The following RNASEH2C variants were observed in gnomAD, a reference collection of about 807,000 sequenced individuals.
The protein encoded by RNASEH2C is RNase H1 small subunit.
Under a neutral mutation model 16.3 loss-of-function variants are expected in RNASEH2C, and 20 were observed. The observed-to-expected ratio is 1.23, with a 90% CI of 0.86 to 1.79. The LOEUF (loss-of-function observed/expected upper bound fraction) is 1.79, where lower values mean the gene tolerates loss of function less well. Ranked by LOEUF, RNASEH2C falls within the 40% of genes most tolerant of loss-of-function variation. RNASEH2C has a pLI of 0.00. For synonymous variants in RNASEH2C, 106 were observed against 98.9 expected (o/e 1.07, Z -0.43); for missense variants, 296 against 235.9 (o/e 1.25, Z -1.67).
chr11:65,719,154 G>A lies in RNASEH2C; in HGVS notation c.*629C>T, dbSNP rs747487385. 2 of 1,614,170 alleles carry A rather than the reference G, an allele frequency of 1.2e-6. No individual in the cohort carries two copies. The highest frequency in any genetic ancestry group is 1.3e-5 in the African/African-American group (1 of 75,064). On this transcript the variant is annotated 3_prime_UTR_variant, in exon 4 of 4. Coordinates refer to ENST00000308418, the MANE Select transcript of RNASEH2C (RefSeq NM_032193.4). ...CCAAGTGTCTGCACTTCACTCCCAA[G>A]GACTGGAGCAAGAGGGGGAAGTGGT...
At position 65,719,723 on chromosome 11, in the gene RNASEH2C, T is replaced by C. The variant is rs765012427; in HGVS notation, c.*60A>G. The C allele has an allele frequency of 1.9e-6, 3 of 1,586,886 alleles. No homozygotes were observed. The highest frequency in any genetic ancestry group is 2.6e-6 in the Non-Finnish European group (3 of 1,156,118). On this transcript the variant is annotated 3_prime_UTR_variant, in exon 4 of 4. Transcript: ENST00000308418. ...CCTTTATTGGGGTGATGGAATCGGT[T>C]CCAAAGAGCTGGTTTACTGCTGTGA...
At position 65,720,314 on chromosome 11, in the gene RNASEH2C, C is replaced by T. The variant is rs1207921002; in HGVS notation, c.276G>A (p.Ser92=). 1 of 1,614,024 alleles carries T rather than the reference C, an allele frequency of 6.2e-7. No homozygotes were observed. The highest frequency in any genetic ancestry group is 8.5e-7 in the Non-Finnish European group (1 of 1,180,056). ...YVMVTEEKKV[S]MGKPDPLRDS... is the part of the protein sequence containing the mutation. The stretch of plus-strand genomic sequence containing the variant: ...CCCGCAAGGGGTCTGGCTTCCCCAT[C>T]GACACCTTCTTCTCTTCTGTCACCA... Residue 92 remains serine (S), a synonymous_variant, in exon 2 of 4, where the codon TCG becomes TCA. Coordinates refer to ENST00000308418, the MANE Select transcript of RNASEH2C (RefSeq NM_032193.4).
In RNASEH2C at chr11:65,720,580, G is replaced by C. The variant is rs1411143404; in HGVS notation, c.172+7C>G. ...GCCGGGAGCCGTAGTCCGGCCGCAG[G>C]GCTCACCCTCGGGGCCCTGGCGGAT... is the stretch of plus-strand genomic sequence containing the variant. On this transcript the variant is annotated splice_region_variant and intron_variant, in intron 1 of 3. Transcript: ENST00000308418. The C allele has an allele frequency of 1.3e-6, 2 of 1,525,572 alleles. No individual in the cohort carries two copies. Among genetic ancestry groups the C allele is most frequent in the Non-Finnish European group, 1.8e-6 (2 of 1,139,644 alleles). The allele number at this position is 1,525,572 out of a possible 1,614,324, so 94.5% of individuals were successfully genotyped here.
Position 65,720,226 on chromosome 11 carries a change from C to T in RNASEH2C, c.348+16G>A. The T allele has an allele frequency of 1.2e-6, 2 of 1,614,260 alleles. No homozygotes were observed. The highest frequency in any genetic ancestry group is 1.6e-4 in the Middle Eastern group (1 of 6,062). The stretch of plus-strand genomic sequence containing the variant: ...CTCCCGCCCGCACCCCCTTTCAACC[C>T]TATCCCTTTGCTCACGAAGTCCCGC... On this transcript the variant is annotated intron_variant, in intron 2 of 3. Coordinates refer to ENST00000308418, the MANE Select transcript of RNASEH2C (RefSeq NM_032193.4).
At position 65,720,644 on chromosome 11, in the gene RNASEH2C, C is replaced by T. The variant is rs773527127; in HGVS notation, c.115G>A (p.Asp39Asn). The part of the protein sequence containing the change: ...LHLLPCEVAV[D>N]GPAPVGRFFT... The stretch of plus-strand genomic sequence containing the variant: ...AAGCGCCCCACCGGGGCGGGCCCGT[C>T]CACCGCAACCTCGCAGGGCAGCAGA... The change falls in exon 1 of 4, where the codon GAC becomes AAC. Residue 39 changes from aspartate to asparagine, a missense_variant. Transcript: ENST00000308418. 9 of 1,572,138 alleles carry T rather than the reference C, an allele frequency of 5.7e-6. No homozygotes were observed. Among genetic ancestry groups the T allele is most frequent in the East Asian group, 2.4e-5 (1 of 42,228 alleles).
chr11:65,720,190 C>T, intron 2 of RNASEH2C, 26 bp from the exon 3 acceptor site: 1 of 1,614,230 alleles, frequency 6.2e-7, no homozygotes, highest in Non-Finnish European at 8.5e-7. Flanking sequence ...GGCTCAGCAT[C>T]GGGACTACAG....
Position 65,720,663 on chromosome 11 carries a change from C to T in RNASEH2C, c.96G>A (p.Leu32=), listed in dbSNP as rs1263228614. Residue 32 remains leucine, a synonymous_variant, in exon 1 of 4, where the codon CTG becomes CTA. Transcript: ENST00000308418. ...GCCCGTCCACCGCAACCTCGCAGGGCAGCAGATGCAGTGTGGCGGGTACGG... is the reference window on the plus strand; with the variant it reads ...GCCCGTCCACCGCAACCTCGCAGGGTAGCAGATGCAGTGTGGCGGGTACGG... The part of the protein sequence containing the change: ...RDAVPATLHL[L]PCEVAVDGPA... 1.9e-6 allele frequency: 3 copies of T among 1,594,234 alleles called. No individual in the cohort carries two copies. Among genetic ancestry groups the T allele is most frequent in the Non-Finnish European group, 2.6e-6 (3 of 1,173,416 alleles).
chr11:65,718,887 T>C lies in RNASEH2C; in HGVS notation c.*896A>G. 1 of 1,614,068 alleles carries C rather than the reference T, an allele frequency of 6.2e-7. No homozygotes were observed. The highest frequency in any genetic ancestry group is 8.5e-7 in the Non-Finnish European group (1 of 1,180,024). On this transcript the variant is annotated 3_prime_UTR_variant, in exon 4 of 4. Transcript: ENST00000308418. ...CTCTCCCACAGTGAGATTAGTGAAA[T>C]CACCAGCATCAAGAAGGAGGATGTC...
At chr11:65,720,503 A>T (rs769515315) in intron 1 of RNASEH2C, 84 bp downstream of exon 1, 5 of 1,576,510 alleles carry the variant, frequency 3.2e-6, no homozygotes, top group Non-Finnish European at 4.3e-6. Context: ...CGGACGGACC[A>T]CGATCCCCAG....
rs1857346642 is a variant in RNASEH2C at position 65,720,137 on chromosome 11, A to C, written c.376T>G (p.Phe126Val). ...FDRFIGATAN[F>V]SRFTLWGLET... is the part of the protein sequence containing the mutation. Reference sequence around the variant, plus strand: ...AGACCCCACAGGGTGAAGCGGCTGAAGTTGGCAGTGGCTCCAATGAAGCGG... The same window carrying C: ...AGACCCCACAGGGTGAAGCGGCTGACGTTGGCAGTGGCTCCAATGAAGCGG... The change falls in exon 3 of 4, where the codon TTC (phenylalanine) becomes GTC (valine). Residue 126 changes from phenylalanine to valine, a missense_variant. Transcript: ENST00000308418. 6.2e-7 allele frequency: 1 copy of C among 1,614,076 alleles called. No individual in the cohort carries two copies. The highest frequency in any genetic ancestry group is 8.5e-7 in the Non-Finnish European group (1 of 1,180,030).
At position 65,719,502 on chromosome 11, in the gene RNASEH2C, CT is replaced by C; in HGVS notation, c.*280del. Reference sequence around the variant, plus strand: ...AGAGGGCTGGTGATTGTAAAAATTTCTTTTGTAAAGTAGAAGTTGGGGGTGG... The same window carrying C: ...AGAGGGCTGGTGATTGTAAAAATTTCTTTGTAAAGTAGAAGTTGGGGGTGG... On this transcript the variant is annotated 3_prime_UTR_variant, in exon 4 of 4. Coordinates refer to ENST00000308418, the MANE Select transcript of RNASEH2C (RefSeq NM_032193.4). 1.6e-6 allele frequency: 1 copy of C among 610,772 alleles called. No individual in the cohort carries two copies. The highest frequency in any genetic ancestry group is 2.9e-6 in the Non-Finnish European group (1 of 346,992). The allele number at this position is 610,772 out of a possible 1,614,324, so 37.8% of individuals were successfully genotyped here. A position where few individuals can be genotyped will look rare whatever the true frequency, so the allele number is the denominator to read the frequency against.
chr11:65,720,384 C>T lies in RNASEH2C; in HGVS notation c.206G>A (p.Arg69Gln). Reference sequence around the variant, plus strand: ...AGGCGGCACCGCCACCTCCTCTCCCCGTAGACAGCGGCCCCGAAACGACAC... The same window carrying T: ...AGGCGGCACCGCCACCTCCTCTCCCTGTAGACAGCGGCCCCGAAACGACAC... ...LEVSFRGRCL[R>Q]GEEVAVPPGL... Residue 69 changes from arginine to glutamine, a missense_variant, in exon 2 of 4, where the codon CGG (arginine) becomes CAG (glutamine). Arg to Gln is a conservative substitution (Grantham distance 43). Transcript: ENST00000308418. 4 of 1,614,200 alleles carry T rather than the reference C, an allele frequency of 2.5e-6. No homozygotes were observed. The highest frequency in any genetic ancestry group is 3.4e-6 in the Non-Finnish European group (4 of 1,180,048).
In RNASEH2C at chr11:65,719,766, A is replaced by ATT; in HGVS notation, c.*15_*16dup. On this transcript the variant is annotated 3_prime_UTR_variant, in exon 4 of 4. Coordinates refer to ENST00000308418, the MANE Select transcript of RNASEH2C (RefSeq NM_032193.4). The stretch of plus-strand genomic sequence containing the variant: ...TGCTGTGAAGGGATCGCAGCTTTGA[A>ATT]TTTCAAGCTCTGGTTCTCAGTCCTC... 6.2e-7 allele frequency: 1 copy of ATT among 1,613,976 alleles called. No homozygotes were observed. Among genetic ancestry groups the ATT allele is most frequent in the Non-Finnish European group, 8.5e-7 (1 of 1,179,934 alleles).
chr11:65,720,313 T>C lies in RNASEH2C; in HGVS notation c.277A>G (p.Met93Val). 1.9e-6 allele frequency: 3 copies of C among 1,614,096 alleles called. No individual in the cohort carries two copies. The highest frequency in any genetic ancestry group is 2.5e-6 in the Non-Finnish European group (3 of 1,180,032). The change falls in exon 2 of 4, where the codon ATG becomes GTG. Residue 93 changes from methionine to valine, a missense_variant. Coordinates refer to ENST00000308418, the MANE Select transcript of RNASEH2C (RefSeq NM_032193.4). ...VMVTEEKKVSMGKPDPLRDSG... is the reference protein window; with the variant it reads ...VMVTEEKKVSVGKPDPLRDSG... ...TCCCGCAAGGGGTCTGGCTTCCCCA[T>C]CGACACCTTCTTCTCTTCTGTCACC...
Position 65,720,595 on chromosome 11 carries a change from C to A in RNASEH2C, c.164G>T (p.Gly55Val), listed in dbSNP as rs1233458293. 6.5e-7 allele frequency: 1 copy of A among 1,535,932 alleles called. No individual in the cohort carries two copies. The highest frequency in any genetic ancestry group is 8.7e-7 in the Non-Finnish European group (1 of 1,144,654). ...GRFFTPAIRQ[G>V]PEGLEVSFRG... ...CCGGCCGCAGGGCTCACCCTCGGGG[C>A]CCTGGCGGATGGCGGGCGTGAAGAA... Residue 55 changes from glycine (G) to valine (V), a missense_variant, in exon 1 of 4, where the codon GGC becomes GTC. Gly to Val is a moderately radical substitution (Grantham distance 109). Transcript: ENST00000308418.
At chr11:65,720,189 T>A in intron 2 of RNASEH2C, 25 bp from the exon 3 acceptor site, 1 of 1,614,246 alleles carries the variant, frequency 6.2e-7, no homozygotes, top group Non-Finnish European at 8.5e-7. Flanking sequence ...TGGCTCAGCA[T>A]CGGGACTACA....
rs1857278171 is a variant in RNASEH2C at position 65,718,393 on chromosome 11, G to C, written c.*1390C>G. 3 of 606,538 alleles carry C rather than the reference G, an allele frequency of 4.9e-6. No individual in the cohort carries two copies. The highest frequency in any genetic ancestry group is 8.8e-6 in the Non-Finnish European group (3 of 341,392). 37.6% of individuals were successfully genotyped at this position (606,538 alleles called of 1,614,324 possible). ...TCTCAGTGCCCTCATGCCCTCCACT[G>C]TGCTCAGCGCACGGAAAGAGTGAAT... On this transcript the variant is annotated 3_prime_UTR_variant, in exon 4 of 4. Transcript: ENST00000308418.
rs1857332158 is a variant in RNASEH2C, at chr11:65,719,698, C to G, written c.*85G>C. 8 of 1,452,820 alleles carry G rather than the reference C, an allele frequency of 5.5e-6. No individual in the cohort carries two copies. In the East Asian group the frequency reaches 6.8e-5, roughly 12 times the overall value. The allele number at this position is 1,452,820 out of a possible 1,614,324, so 90.0% of individuals were successfully genotyped here. ...AGACTCACAGGTGCTGTGAAGAGCT[C>G]CTTTATTGGGGTGATGGAATCGGTT... On this transcript the variant is annotated 3_prime_UTR_variant, in exon 4 of 4. Coordinates refer to ENST00000308418, the MANE Select transcript of RNASEH2C (RefSeq NM_032193.4).
Position 65,719,329 on chromosome 11 carries a change from A to AC in RNASEH2C, c.*453dup. ...GAGAGGACAGGCCTGGCAGGGGCCC[A>AC]CTGGTGCCCAGCACCAAGGCGAGCT... On this transcript the variant is annotated 3_prime_UTR_variant, in exon 4 of 4. Transcript: ENST00000308418. 1 of 992,460 alleles carries AC rather than the reference A, an allele frequency of 1.0e-6. No individual in the cohort carries two copies. Among genetic ancestry groups the AC allele is most frequent in the Non-Finnish European group, 1.4e-6 (1 of 692,204 alleles). The allele number at this position is 992,460 out of a possible 1,614,324, so 61.5% of individuals were successfully genotyped here.
Sources: gnomAD v4.1 joint callset for allele counts on GRCh38, gnomAD v4.1.1 for gene constraint, MANE v1.5 for transcripts, NCBI Gene and HGNC (gene_info 2026-07-23, HGNC 2026-07-21) for gene names.